ERG: variants seen among roughly 807,000 people sequenced by gnomAD.
The protein encoded by ERG is transcriptional regulator ERG.
ERG carries 9 observed loss-of-function variants against 55.3 expected under a neutral mutation model. The ratio of observed to expected loss-of-function variants is 0.16; its 90% CI spans 0.10 to 0.28. The LOEUF (loss-of-function observed/expected upper bound fraction) is 0.28, where lower values mean the gene tolerates loss of function less well. ERG is among the 10% of genes least tolerant of loss of function. ERG has a pLI of 1.00. For missense variants in ERG, 434 were observed against 631.6 expected (o/e 0.69, Z 3.35); for synonymous variants, 223 against 237.3 (o/e 0.94, Z 0.55).
At chr21:38,540,297 A>G (rs2059743242) in intron 2 of ERG, among the ~76,000 whole-genome samples, 1 of 152,194 alleles carries the variant, frequency 6.6e-6, no homozygotes. Flanking sequence ...GCATTTAATT[A>G]ACAATGTTGT....
chr21:38,561,418 T>C (rs1331994948), intron 2 of ERG, among the ~76,000 whole-genome samples: 2 of 151,964 alleles, frequency 1.3e-5, no homozygotes, highest in East Asian at 3.9e-4. Flanking sequence ...AGGTCACTTT[T>C]GTAACACACA....
chr21:38,533,938 G>C (rs2059690590), intron 2 of ERG, among the ~76,000 whole-genome samples: 1 of 152,038 alleles, frequency 6.6e-6, no homozygotes, highest in African/African-American at 2.4e-5. Context: ...TGTAAATAGA[G>C]CCATTTTTTT....
rs187437351 is a variant in ERG, at chr21:38,463,697, A to G, written c.19-18076T>C. ...TTTCCAGATGGAGAAACTGCAAGGA[A>G]AAGCATAGAAGTGGGGCCACCCCTC... On this transcript the variant is annotated intron_variant, in intron 1 of 9. Coordinates refer to ENST00000288319, the MANE Select transcript of ERG (RefSeq NM_182918.4). Among the ~76,000 whole-genome samples, 76 of 152,320 alleles carry G rather than the reference A, an allele frequency of 5.0e-4. 1 individual carries two copies. In the South Asian group the frequency reaches 0.015, roughly 30 times the overall value.
chr21:38,644,169 G>C (rs1391019527), intron 1 of ERG, among the ~76,000 whole-genome samples: 4 of 152,218 alleles, frequency 2.6e-5, no homozygotes, highest in Admixed American at 2.0e-4. Context: ...AAGAAGTGCA[G>C]AGCAGGGCAG....
chr21:38,551,359 C>T (rs1055285839), intron 2 of ERG, among the ~76,000 whole-genome samples: 5 of 151,904 alleles, frequency 3.3e-5, no homozygotes, highest in South Asian at 4.2e-4. Flanking sequence ...AGTTCAGCCC[C>T]GATTTTGGTT....
intron 2 of ERG, among the ~76,000 whole-genome samples, chr21:38,539,615 C>T (rs973171221): frequency 6.6e-6 from 1 of 152,136 alleles, no homozygotes; most frequent in Admixed American, 6.5e-5. Flanking sequence ...AAGATACTTA[C>T]AAATCATTGT....
At chr21:38,569,102 G>T (rs1038013315) in intron 2 of ERG, among the ~76,000 whole-genome samples, 1 of 152,232 alleles carries the variant, frequency 6.6e-6, no homozygotes, top group Non-Finnish European at 1.5e-5. Context: ...TGTGCCCGAA[G>T]TGTTTGAGAA....
At position 38,460,480 on chromosome 21, in the gene ERG, T is replaced by C. The variant is rs978524632; in HGVS notation, c.19-14859A>G. ...ATGTGATGAGAATGCATATATTGCA[T>C]ATGCCATGTGTACACCAAAAGCCAC... On this transcript the variant is annotated intron_variant, in intron 1 of 9. Transcript: ENST00000288319. This position sits in a 1 kb window ranked among gnomAD's most constrained non-coding sequence, Gnocchi z 5.0. 1.3e-5 allele frequency among the ~76,000 whole-genome samples: 2 copies of C among 152,240 alleles called. No homozygotes were observed. The highest frequency in any genetic ancestry group is 4.8e-5 in the African/African-American group (2 of 41,472).
chr21:38,623,469 G>T (rs2060306149), intron 1 of ERG, among the ~76,000 whole-genome samples: 1 of 152,190 alleles, frequency 6.6e-6, no homozygotes, highest in Non-Finnish European at 1.5e-5. Context: ...CCAAATTTAA[G>T]ATTTTTATAA....
intron 1 of ERG, among the ~76,000 whole-genome samples, chr21:38,622,930 A>ACC (rs1390510376): frequency 5.9e-5 from 5 of 85,464 alleles, no homozygotes; most frequent in African/African-American, 1.6e-4. Flanking sequence ...GCCATACCAC[A>ACC]CCACACACAC....
chr21:38,430,451 G>C (rs748828994), intron 2 of ERG, among the ~76,000 whole-genome samples: 1 of 152,094 alleles, frequency 6.6e-6, no homozygotes, highest in Non-Finnish European at 1.5e-5. Flanking sequence ...TGTTGCATTT[G>C]CTTTTGGATT....
chr21:38,660,854 C>T (rs2060550208), intron 1 of ERG, among the ~76,000 whole-genome samples: 1 of 151,864 alleles, frequency 6.6e-6, no homozygotes, highest in African/African-American at 2.4e-5. Flanking sequence ...TTCGAGTGCG[C>T]GCGTGTCCGT....
chr21:38,371,621 T>A, the ERG span, among the ~76,000 whole-genome samples: 1 of 152,048 alleles, frequency 6.6e-6, no homozygotes, highest in Non-Finnish European at 1.5e-5. Context: ...ATTCAGATAA[T>A]CATACTTTTT....
At chr21:38,623,261 C>G (rs2146946192) in intron 1 of ERG, among the ~76,000 whole-genome samples, 1 of 149,354 alleles carries the variant, frequency 6.7e-6, no homozygotes, top group East Asian at 2.0e-4. Flanking sequence ...AGAGCACACA[C>G]ATAACCCACA....
intron 2 of ERG, among the ~76,000 whole-genome samples, chr21:38,536,278 T>G (rs2059709721): frequency 7.9e-6 from 1 of 126,134 alleles, no homozygotes; most frequent in South Asian, 3.0e-4. Context: ...CCACCTAGGC[T>G]CTATACTGGA....
At chr21:38,371,279 A>G in the ERG span, among the ~76,000 whole-genome samples, 1 of 152,090 alleles carries the variant, frequency 6.6e-6, no homozygotes, top group Non-Finnish European at 1.5e-5. Flanking sequence ...AATAAAATTC[A>G]AAAATTAACC....
intron 1 of ERG, among the ~76,000 whole-genome samples, chr21:38,622,954 C>T (rs1319944406): frequency 1.1e-3 from 4 of 3,692 alleles, no homozygotes; most frequent in African/African-American, 4.1e-3. Flanking sequence ...CACACACACA[C>T]ATCAGCACAC....
At chr21:38,640,916 C>A (rs532500726) in intron 1 of ERG, among the ~76,000 whole-genome samples, 1 of 152,086 alleles carries the variant, frequency 6.6e-6, no homozygotes, top group African/African-American at 2.4e-5. Flanking sequence ...TCATTATAAG[C>A]GCAGAAATAC....
At chr21:38,505,054 T>C (rs1419141747) in intron 2 of ERG, among the ~76,000 whole-genome samples, 2 of 152,238 alleles carry the variant, frequency 1.3e-5, no homozygotes, top group Non-Finnish European at 2.9e-5. Context: ...AGTTGGCTTT[T>C]AGTTTTCGGT....
Sources: gnomAD v4.1 joint callset for allele counts (sites outside exome capture counted in the v4.1 genomes callset) on GRCh38, gnomAD v4.1.1 for gene constraint, Gnocchi (gnomAD v3.1) non-coding constraint, MANE v1.5 for transcripts, NCBI Gene and HGNC (gene_info 2026-07-23, HGNC 2026-07-21) for gene names.